Variants in CCDC66 observed in about 807,000 individuals in gnomAD.
CCDC66 encodes the protein coiled-coil domain containing 66, also known as coiled-coil domain-containing protein 66.
A neutral mutation model predicts 128.3 loss-of-function variants in CCDC66; 133 were observed. That is an observed-to-expected ratio of 1.04 (90% CI 0.90 to 1.20). The LOEUF (loss-of-function observed/expected upper bound fraction) is 1.20, where lower values mean the gene tolerates loss of function less well. Ranked by LOEUF, CCDC66 falls within the 50% of genes most tolerant of loss-of-function variation. The probability of loss-of-function intolerance (pLI) is 0.00; values close to 1 mark genes in which losing one functional copy is unlikely to be tolerated. For missense variants in CCDC66, 1,126 were observed against 1,075.5 expected (o/e 1.05, Z -0.66); for synonymous variants, 387 against 357.0 (o/e 1.08, Z -0.95).
chr3:56,606,203 T>C (rs902860572), intron 10 of CCDC66, among the ~76,000 whole-genome samples: 7 of 152,076 alleles, frequency 4.6e-5, no homozygotes, highest in African/African-American at 1.7e-4. Context: ...CATAGCTTGC[T>C]GAGCTCCCTG....
rs145738981 is a variant in CCDC66, at chr3:56,582,050, C to T, written c.936+10748C>T. Among the ~76,000 whole-genome samples the T allele has an allele frequency of 3.2e-3, 479 of 152,040 alleles. 7 individuals are homozygous for T. The highest frequency in any genetic ancestry group is 8.0e-3 in the African/African-American group (332 of 41,548). ...GAGGCAGGCAGGCCTCCTTGAGCTGCGGTGGGCTCCACCCAGTCCGAGCTT... is the reference window on the plus strand; with the variant it reads ...GAGGCAGGCAGGCCTCCTTGAGCTGTGGTGGGCTCCACCCAGTCCGAGCTT... On this transcript the variant is annotated intron_variant, in intron 7 of 17. Transcript: ENST00000394672.
intron 14 of CCDC66, chr3:56,617,857 C>CCA: frequency 1.8e-6 from 1 of 570,380 alleles, no homozygotes; most frequent in Non-Finnish European, 3.0e-6. Flanking sequence ...ACAATATGGC[C>CCA]CACAAAGCTG....
chr3:56,617,426 C>T lies in CCDC66; in HGVS notation c.2158C>T (p.Pro720Ser), dbSNP rs2075655459. Residue 720 changes from proline (P) to serine (S), a missense_variant, in exon 14 of 18, where the codon CCT (proline) becomes TCT (serine). Transcript: ENST00000394672. ...GTATATTCCAGCATCAGAAAAGTACCCTAAACAGCTTCAAAAGCAGAGAGA... is the reference window on the plus strand; with the variant it reads ...GTATATTCCAGCATCAGAAAAGTACTCTAAACAGCTTCAAAAGCAGAGAGA... ...KRYIPASEKY[P>S]KQLQKQREEK... The T allele has an allele frequency of 1.2e-6, 2 of 1,613,614 alleles. No individual in the cohort carries two copies. Among genetic ancestry groups the T allele is most frequent in the African/African-American group, 1.3e-5 (1 of 74,808 alleles).
Position 56,617,511 on chromosome 3 carries a change from G to C in CCDC66, c.2243G>C (p.Gly748Ala). The change falls in exon 14 of 18, where the codon GGG (glycine) becomes GCG (alanine). Residue 748 changes from glycine to alanine, a missense_variant. By Grantham distance (60) the Gly-to-Ala change is moderately conservative (BLOSUM62 0). Coordinates refer to ENST00000394672, the MANE Select transcript of CCDC66 (RefSeq NM_001141947.3). ...CATTTGGTAGAAAAAAATAATCCTGGGCACCTCTCTCAAAACAGAGGCATT... is the reference window on the plus strand; with the variant it reads ...CATTTGGTAGAAAAAAATAATCCTGCGCACCTCTCTCAAAACAGAGGCATT... ...LLHLVEKNNP[G>A]HLSQNRGISP... The C allele has an allele frequency of 6.2e-7, 1 of 1,613,518 alleles. No homozygotes were observed. The highest frequency in any genetic ancestry group is 8.5e-7 in the Non-Finnish European group (1 of 1,179,848).
At chr3:56,597,280 C>T (rs1383444639) in intron 10 of CCDC66, among the ~76,000 whole-genome samples, 4 of 151,948 alleles carry the variant, frequency 2.6e-5, no homozygotes, top group African/African-American at 9.7e-5. Context: ...ATACCAATAC[C>T]ATGCTGTTGT....
intron 17 of CCDC66, chr3:56,621,227 A>C (rs1336318997): frequency 4.8e-6 from 1 of 210,312 alleles, no homozygotes; most frequent in African/African-American, 2.3e-5. Context: ...TTCAGTATCT[A>C]AGAGCACTTG....
chr3:56,594,452 T>C (rs919047830), intron 10 of CCDC66, among the ~76,000 whole-genome samples: 7 of 152,052 alleles, frequency 4.6e-5, no homozygotes, highest in African/African-American at 1.7e-4. Flanking sequence ...TTTGGGAGGC[T>C]GAGTGGGCAG....
At chr3:56,594,134 A>T in intron 10 of CCDC66, 106 bp downstream of exon 10, 1 of 999,736 alleles carries the variant, frequency 1.0e-6, no homozygotes, top group Non-Finnish European at 1.6e-6. Context: ...TTTACAGCAT[A>T]GGTCCTGTCC....
intron 7 of CCDC66, among the ~76,000 whole-genome samples, chr3:56,573,688 T>C (rs1442580133): frequency 6.6e-6 from 1 of 152,156 alleles, no homozygotes; most frequent in African/African-American, 2.4e-5. Flanking sequence ...GTATCAGTGC[T>C]GACATCTTCT....
At chr3:56,604,930 T>G (rs1159626739) in intron 10 of CCDC66, among the ~76,000 whole-genome samples, 2 of 152,096 alleles carry the variant, frequency 1.3e-5, no homozygotes, top group Non-Finnish European at 2.9e-5. Context: ...TTTGGTCTTT[T>G]CACATACTCC....
chr3:56,619,659 C>T, intron 16 of CCDC66, 118 bp from the exon 17 acceptor site: 3 of 1,481,924 alleles, frequency 2.0e-6, no homozygotes, highest in Non-Finnish European at 2.7e-6. Flanking sequence ...TTAAATTTTT[C>T]TTAGTACTTT....
chr3:56,565,282 T>A, intron 4 of CCDC66: 1 of 192,280 alleles, frequency 5.2e-6, no homozygotes, highest in Non-Finnish European at 1.1e-5. Flanking sequence ...TATTTATTTA[T>A]TTATTTTTTG....
At chr3:56,561,787 C>G (rs531086564) in intron 3 of CCDC66, among the ~76,000 whole-genome samples, 1 of 152,188 alleles carries the variant, frequency 6.6e-6, no homozygotes, top group East Asian at 1.9e-4. Context: ...GTTGAATTCT[C>G]TTTTCTGCAA....
intron 7 of CCDC66, among the ~76,000 whole-genome samples, chr3:56,583,409 C>T (rs1161367263): frequency 6.6e-6 from 1 of 151,818 alleles, no homozygotes; most frequent in Non-Finnish European, 1.5e-5. Context: ...AACAAGTGAA[C>T]AAAGGTCTCT....
intron 17 of CCDC66, 108 bp downstream of exon 17, chr3:56,620,009 TAAC>T (rs1238385933): frequency 8.3e-7 from 1 of 1,201,054 alleles, no homozygotes. Flanking sequence ...TCCCAGGATT[TAAC>T]AAAAATATTT....
At chr3:56,605,852 C>T (rs1196329594) in intron 10 of CCDC66, among the ~76,000 whole-genome samples, 3 of 152,104 alleles carry the variant, frequency 2.0e-5, no homozygotes, top group Non-Finnish European at 4.4e-5. Context: ...ACGTTTAAGT[C>T]TGCTGAAGCT....
At chr3:56,566,793 C>A in intron 5 of CCDC66, 34 bp downstream of exon 5, 2 of 1,584,064 alleles carry the variant, frequency 1.3e-6, no homozygotes, top group South Asian at 2.3e-5. Context: ...ATTGTGTGGT[C>A]ATCTTCAGAA....
chr3:56,570,095 C>T (rs531820057), intron 6 of CCDC66: 2 of 152,298 alleles, frequency 1.3e-5, no homozygotes, highest in South Asian at 2.1e-4. Flanking sequence ...CTTGGCCTCC[C>T]GAAGTGCTGT....
Position 56,557,199 on chromosome 3 carries a change from A to C in CCDC66, c.-44A>C. The C allele has an allele frequency of 3.9e-6, 6 of 1,551,284 alleles. No individual in the cohort carries two copies. Among genetic ancestry groups the C allele is most frequent in the Non-Finnish European group, 5.2e-6 (6 of 1,146,970 alleles). The stretch of plus-strand genomic sequence containing the variant: ...TGAGCGGCGGCGGCAACCGACGTAC[A>C]CAAGGGGCTTGAGCGTTCTGTGGAG... On this transcript the variant is annotated 5_prime_UTR_variant, in exon 1 of 18. Coordinates refer to ENST00000394672, the MANE Select transcript of CCDC66 (RefSeq NM_001141947.3).
Sources: gnomAD v4.1 joint callset for allele counts (sites outside exome capture counted in the v4.1 genomes callset) on GRCh38, gnomAD v4.1.1 for gene constraint, MANE v1.5 for transcripts, NCBI Gene and HGNC (gene_info 2026-07-23, HGNC 2026-07-21) for gene names.